The following TNNI3K variants were observed in gnomAD, a reference collection of about 807,000 sequenced individuals.
TNNI3K encodes the protein serine/threonine-protein kinase TNNI3K.
A neutral mutation model predicts 114.5 loss-of-function variants in TNNI3K; 140 were observed. That is an observed-to-expected ratio of 1.22 (90% CI 1.07 to 1.41). The LOEUF is 1.41. Among genes scored for constraint, TNNI3K ranks in the 40% most tolerant of loss-of-function variants. TNNI3K has a pLI of 0.00. For missense variants in TNNI3K, 1,125 were observed against 1,007.6 expected (o/e 1.12, Z -1.58); for synonymous variants, 347 against 347.5 (o/e 1.00, Z 0.02).
At chr1:74,503,610 T>C (rs1024143805) in intron 23 of TNNI3K, among the ~76,000 whole-genome samples, 2 of 151,986 alleles carry the variant, frequency 1.3e-5, no homozygotes. Flanking sequence ...CTATCATCTC[T>C]GAGACGTAAA....
chr1:74,520,775 C>T (rs1269421485), intron 23 of TNNI3K, among the ~76,000 whole-genome samples: 1 of 152,002 alleles, frequency 6.6e-6, no homozygotes, highest in Admixed American at 6.6e-5. Context: ...AAAACAGTCC[C>T]CTTTGAGTTG....
intron 23 of TNNI3K, among the ~76,000 whole-genome samples, chr1:74,533,447 C>A (rs1477837778): frequency 6.6e-6 from 1 of 152,150 alleles, no homozygotes; most frequent in African/African-American, 2.4e-5. Flanking sequence ...AATAGGAACA[C>A]TTTTACACTG....
At chr1:74,321,975 T>C (rs1423535591) in intron 5 of TNNI3K, among the ~76,000 whole-genome samples, 2 of 152,054 alleles carry the variant, frequency 1.3e-5, no homozygotes, top group East Asian at 1.9e-4. Context: ...GGAGATTATA[T>C]AAATATATAA....
intron 19 of TNNI3K, among the ~76,000 whole-genome samples, chr1:74,437,937 A>G (rs538553988): frequency 6.6e-6 from 1 of 151,942 alleles, no homozygotes; most frequent in South Asian, 2.1e-4. Flanking sequence ...CTCCAACTAA[A>G]TAAGCTTTTG....
chr1:74,445,626 T>TG (rs1666613812), intron 20 of TNNI3K, among the ~76,000 whole-genome samples: 1 of 147,056 alleles, frequency 6.8e-6, no homozygotes, highest in African/African-American at 2.6e-5. Context: ...TTTTCTTTTT[T>TG]TTGAGACGGA....
At chr1:74,509,827 A>C (rs1670094881) in intron 23 of TNNI3K, among the ~76,000 whole-genome samples, 1 of 125,480 alleles carries the variant, frequency 8.0e-6, no homozygotes, top group South Asian at 2.4e-4. Flanking sequence ...ATTATGGCTC[A>C]CTGCAGCCTC....
intron 17 of TNNI3K, among the ~76,000 whole-genome samples, chr1:74,415,328 A>G (rs1665065615): frequency 6.6e-6 from 1 of 152,068 alleles, no homozygotes; most frequent in African/African-American, 2.4e-5. Context: ...TTTTCTACAC[A>G]TAGCTTACAT....
At chr1:74,483,132 G>A in intron 21 of TNNI3K, 1 of 521,940 alleles carries the variant, frequency 1.9e-6, no homozygotes, top group Non-Finnish European at 3.5e-6. Flanking sequence ...TTTAGTCATT[G>A]TATGAAGTGT....
intron 20 of TNNI3K, among the ~76,000 whole-genome samples, chr1:74,460,438 A>T (rs770128872): frequency 6.6e-6 from 1 of 152,172 alleles, no homozygotes; most frequent in Non-Finnish European, 1.5e-5. Flanking sequence ...ATTTCAGGAG[A>T]CTGTTGAGAA....
intron 11 of TNNI3K, among the ~76,000 whole-genome samples, chr1:74,365,900 C>T (rs1479623077): frequency 6.6e-6 from 1 of 151,038 alleles, no homozygotes; most frequent in Non-Finnish European, 1.5e-5. Flanking sequence ...TAGTTTTTAA[C>T]TATGTAGATT....
chr1:74,378,784 T>C (rs1275126347), intron 17 of TNNI3K: 2 of 151,110 alleles, frequency 1.3e-5, no homozygotes, highest in African/African-American at 4.9e-5. Flanking sequence ...TCCTGGGAAA[T>C]GTAGTCTAGC....
chr1:74,258,123 A>G (rs1036625438), intron 4 of TNNI3K, among the ~76,000 whole-genome samples: 11 of 152,172 alleles, frequency 7.2e-5, no homozygotes, highest in Non-Finnish European at 1.6e-4. Context: ...ATCCCCCCGT[A>G]CTACATGACC....
chr1:74,448,260 T>TAAAAA (rs71588834), intron 20 of TNNI3K, among the ~76,000 whole-genome samples: 184 of 88,506 alleles, frequency 2.1e-3, no homozygotes, highest in Non-Finnish European at 2.6e-3. Flanking sequence ...TAGAGTATAA[T>TAAAAA]AAAAAAAAAA....
intron 17 of TNNI3K, among the ~76,000 whole-genome samples, chr1:74,431,371 A>G (rs540142122): frequency 2.2e-4 from 33 of 152,034 alleles, no homozygotes; most frequent in Admixed American, 3.9e-4. Context: ...TACATTCACT[A>G]TATTATTTTC....
chr1:74,439,214 A>C lies in TNNI3K; in HGVS notation c.1879-276A>C, dbSNP rs1666266683. 3 of 293,536 alleles carry C rather than the reference A, an allele frequency of 1.0e-5. No individual in the cohort carries two copies. In the Admixed American group the frequency reaches 1.5e-4, roughly 15 times the overall value. 18.2% of individuals were successfully genotyped at this position (293,536 alleles called of 1,614,324 possible). Reference sequence around the variant, plus strand: ...AGGCAGACTTACTTGATGATTAATTACTTGTGTGATGTTTTAGGAAGAATT... The same window carrying C: ...AGGCAGACTTACTTGATGATTAATTCCTTGTGTGATGTTTTAGGAAGAATT... On this transcript the variant is annotated intron_variant, in intron 19 of 24. Transcript: ENST00000326637.
At chr1:74,407,576 T>C (rs972308884) in intron 17 of TNNI3K, among the ~76,000 whole-genome samples, 9 of 152,168 alleles carry the variant, frequency 5.9e-5, no homozygotes, top group Admixed American at 1.3e-4. Context: ...TTGGTCTGAC[T>C]CTTTCTGTCA....
intron 23 of TNNI3K, among the ~76,000 whole-genome samples, chr1:74,513,783 T>A (rs1022263): frequency 1 from 152,324 of 152,352 alleles, 76,148 homozygotes; most frequent in Non-Finnish European, 1. Context: ...GTTTAGTGAA[T>A]TTCAGCAAAT....
intron 21 of TNNI3K, among the ~76,000 whole-genome samples, chr1:74,467,674 T>G (rs1667737368): frequency 6.6e-6 from 1 of 152,134 alleles, no homozygotes; most frequent in South Asian, 2.1e-4. Context: ...AAATTGTAGT[T>G]CCTACAGTAA....
intron 23 of TNNI3K, among the ~76,000 whole-genome samples, chr1:74,536,366 G>A (rs1646660647): frequency 6.6e-6 from 1 of 152,154 alleles, no homozygotes; most frequent in South Asian, 2.1e-4. Flanking sequence ...GGATTTGAGT[G>A]TGAACTGGTC....
Sources: gnomAD v4.1 joint callset for allele counts (sites outside exome capture counted in the v4.1 genomes callset) on GRCh38, gnomAD v4.1.1 for gene constraint, MANE v1.5 for transcripts, NCBI Gene and HGNC (gene_info 2026-07-23, HGNC 2026-07-21) for gene names.